COL6A6: variants seen among roughly 807,000 people sequenced by gnomAD.
The protein encoded by COL6A6 is collagen type VI alpha 6 chain, also known as collagen alpha-6(VI) chain.
In COL6A6, 183 loss-of-function variants were observed where a neutral mutation model predicts 208.6. The observed-to-expected ratio is 0.88, with a 90% CI of 0.78 to 0.99. The LOEUF is 0.99. Ranked by LOEUF, COL6A6 falls within the 50% of genes least tolerant of loss-of-function variation. The probability of loss-of-function intolerance (pLI) is 0.00; values close to 1 mark genes in which losing one functional copy is unlikely to be tolerated. For missense variants in COL6A6, 2,816 were observed against 2,815.2 expected (o/e 1.00, Z -0.01); for synonymous variants, 973 against 1,011.8 (o/e 0.96, Z 0.73).
chr3:130,531,061 G>C (rs57961360), intron 1 of COL6A6, among the ~76,000 whole-genome samples: 5 of 136,656 alleles, frequency 3.7e-5, no homozygotes, highest in African/African-American at 1.4e-4. Flanking sequence ...CACACACACA[G>C]TCTCTCTCTC....
intron 28 of COL6A6, among the ~76,000 whole-genome samples, chr3:130,638,559 C>T (rs2108350881): frequency 6.6e-6 from 1 of 152,298 alleles, no homozygotes; most frequent in South Asian, 2.1e-4. Context: ...TCTCAGACTC[C>T]TCTTGTTGGA....
chr3:130,592,715 G>A lies in COL6A6; in HGVS notation c.4364G>A (p.Gly1455Glu), dbSNP rs1436464782. Reference sequence around the variant, plus strand: ...TTTCAGGGAAACAGAGGACTAAATGGACAGGAGGTATGTTACCAGGCACAT... The same window carrying A: ...TTTCAGGGAAACAGAGGACTAAATGAACAGGAGGTATGTTACCAGGCACAT... Reference protein sequence around the residue: ...KGPKGNRGLNGQEGEVGENGI... With the variant: ...KGPKGNRGLNEQEGEVGENGI... Residue 1455 changes from glycine (G) to glutamate (E), a missense_variant, in exon 15 of 37, where the codon GGA becomes GAA. Transcript: ENST00000358511. 6.2e-7 allele frequency: 1 copy of A among 1,612,018 alleles called. No individual in the cohort carries two copies. The highest frequency in any genetic ancestry group is 1.1e-5 in the South Asian group (1 of 90,794).
chr3:130,641,457 AT>A (rs1221798370), intron 28 of COL6A6, among the ~76,000 whole-genome samples, 194 bp from the exon 29 acceptor site: 1 of 152,212 alleles, frequency 6.6e-6, no homozygotes, highest in Non-Finnish European at 1.5e-5. Context: ...AATGAGGATT[AT>A]TTGGGGAAGA....
intron 34 of COL6A6, among the ~76,000 whole-genome samples, chr3:130,660,360 A>G (rs1437113228): frequency 6.6e-6 from 1 of 152,216 alleles, no homozygotes; most frequent in African/African-American, 2.4e-5. Context: ...ACTTATCCAA[A>G]GTCACATCTT....
intron 7 of COL6A6, 95 bp downstream of exon 7, chr3:130,571,488 G>T: frequency 1.2e-6 from 1 of 834,312 alleles, no homozygotes. Flanking sequence ...GTTTTCCAGA[G>T]AGGAGAGAAG....
chr3:130,650,860 T>A (rs542727651), intron 33 of COL6A6, among the ~76,000 whole-genome samples: 33 of 152,336 alleles, frequency 2.2e-4, no homozygotes, highest in Non-Finnish European at 4.6e-4. Flanking sequence ...GTAGTCAAGA[T>A]GTTACCTTTA....
At chr3:130,551,433 G>A (rs1375151255) in intron 1 of COL6A6, among the ~76,000 whole-genome samples, 1 of 152,030 alleles carries the variant, frequency 6.6e-6, no homozygotes, top group African/African-American at 2.4e-5. Flanking sequence ...GTTTCTTCTA[G>A]ATTTTCTAGT....
intron 11 of COL6A6, among the ~76,000 whole-genome samples, chr3:130,588,353 T>C (rs2063589504): frequency 2.0e-5 from 3 of 152,242 alleles, no homozygotes; most frequent in African/African-American, 7.2e-5. Context: ...AGAATTTTTC[T>C]AAAAGTAAAT....
At chr3:130,529,285 TGTAA>T (rs2062030263) in intron 1 of COL6A6, among the ~76,000 whole-genome samples, 1 of 102,874 alleles carries the variant, frequency 9.7e-6, no homozygotes, top group Non-Finnish European at 1.9e-5. Flanking sequence ...CAGCAGGAAA[TGTAA>T]AAAAAAAAAA....
intron 5 of COL6A6, 91 bp from the exon 6 acceptor site, chr3:130,567,956 A>G: frequency 1.1e-6 from 1 of 874,284 alleles, no homozygotes; most frequent in Non-Finnish European, 1.8e-6. Flanking sequence ...ACATGTCAAT[A>G]TAAAATTATT....
Position 130,568,072 on chromosome 3 carries a change from C to T in COL6A6, c.1869C>T (p.Ile623=), listed in dbSNP as rs998574254. 1 of 1,611,440 alleles carries T rather than the reference C, an allele frequency of 6.2e-7. No individual in the cohort carries two copies. Among genetic ancestry groups the T allele is most frequent in the Non-Finnish European group, 8.5e-7 (1 of 1,178,846 alleles). Residue 623 remains isoleucine (I), a synonymous_variant, in exon 6 of 37, where the codon ATC becomes ATT. Coordinates refer to ENST00000358511, the MANE Select transcript of COL6A6 (RefSeq NM_001102608.3). ...CTTGCAAAGAGATGAAAGCTGACAT[C>T]ATGTTTCTGGTGGACAGTTCTGGAA... is the stretch of plus-strand genomic sequence containing the variant. ...EEACKEMKAD[I]MFLVDSSGSI...
At chr3:130,543,724 A>G (rs7643118) in intron 1 of COL6A6, among the ~76,000 whole-genome samples, 117,642 of 152,122 alleles carry the variant, frequency 0.77, 46,396 homozygotes, top group Non-Finnish European at 0.85. Context: ...AATCAAATGC[A>G]TTATTGCTAT....
intron 1 of COL6A6, among the ~76,000 whole-genome samples, chr3:130,551,119 CT>C (rs35501985): frequency 1.1e-4 from 8 of 71,286 alleles, no homozygotes; most frequent in Non-Finnish European, 2.0e-4. Flanking sequence ...TGGCCTGAAG[CT>C]TTTTTTTTTT....
intron 7 of COL6A6, among the ~76,000 whole-genome samples, chr3:130,573,671 A>G (rs1046283379): frequency 4.1e-5 from 6 of 146,120 alleles, no homozygotes; most frequent in Middle Eastern, 4.0e-3. Context: ...GGTTCACGCC[A>G]TTCTCCTGAC....
intron 20 of COL6A6, among the ~76,000 whole-genome samples, chr3:130,602,205 C>T (rs1295552759): frequency 4.6e-5 from 7 of 152,172 alleles, no homozygotes; most frequent in Admixed American, 2.0e-4. Flanking sequence ...AATCTCTAAA[C>T]ATCAGTAGTA....
intron 1 of COL6A6, among the ~76,000 whole-genome samples, chr3:130,529,973 T>A (rs1382782876): frequency 6.6e-6 from 1 of 152,200 alleles, no homozygotes; most frequent in African/African-American, 2.4e-5. Context: ...AGCCCTTCCG[T>A]ATTAGCATCA....
At chr3:130,547,300 C>T (rs4572742) in intron 1 of COL6A6, among the ~76,000 whole-genome samples, 120,522 of 152,054 alleles carry the variant, frequency 0.79, 48,534 homozygotes, top group Non-Finnish European at 0.86. Context: ...GCTGCTGGCC[C>T]AGGTGCTAAG....
Position 130,565,180 on chromosome 3 carries a change from T to C in COL6A6, c.848T>C (p.Leu283Pro). Residue 283 changes from leucine to proline, a missense_variant, in exon 4 of 37, where the codon CTG becomes CCG. Leu to Pro is a moderately conservative substitution (Grantham distance 98). Transcript: ENST00000358511. ...YSNETKVINS[L>P]SMGINKSEVL... ...AATGAGACAAAAGTGATAAATTCAC[T>C]GAGCATGGGCATAAATAAGTCAGAG... is the stretch of plus-strand genomic sequence containing the variant. The C allele has an allele frequency of 6.2e-7, 1 of 1,614,032 alleles. No individual in the cohort carries two copies. Among genetic ancestry groups the C allele is most frequent in the Non-Finnish European group, 8.5e-7 (1 of 1,179,880 alleles).
chr3:130,614,891 ATCT>A (rs2064469941), intron 23 of COL6A6, among the ~76,000 whole-genome samples: 1 of 150,222 alleles, frequency 6.7e-6, no homozygotes, highest in South Asian at 2.1e-4. Context: ...GTTTATTTGG[ATCT>A]TCTCTCCTTT....
Sources: gnomAD v4.1 joint callset for allele counts (sites outside exome capture counted in the v4.1 genomes callset) on GRCh38, gnomAD v4.1.1 for gene constraint, MANE v1.5 for transcripts, NCBI Gene and HGNC (gene_info 2026-07-23, HGNC 2026-07-21) for gene names.